Variants in TMIGD1 observed in about 807,000 individuals in gnomAD.
The protein encoded by TMIGD1 is transmembrane and immunoglobulin domain containing 1, also known as transmembrane and immunoglobulin domain-containing protein 1.
Under a neutral mutation model 27.5 loss-of-function variants are expected in TMIGD1, and 29 were observed. The observed-to-expected ratio is 1.05, with a 90% confidence interval of 0.78 to 1.44. The LOEUF (loss-of-function observed/expected upper bound fraction) is 1.44, where lower values mean the gene tolerates loss of function less well. Ranked by LOEUF, TMIGD1 falls within the 40% of genes most tolerant of loss-of-function variation. TMIGD1 has a pLI of 0.00. For missense variants in TMIGD1, 334 were observed against 310.6 expected (o/e 1.08, Z -0.57); for synonymous variants, 109 against 110.3 (o/e 0.99, Z 0.07).
chr17:30,323,965 C>A (rs1260238359), intron 4 of TMIGD1, among the ~76,000 whole-genome samples: 2 of 152,252 alleles, frequency 1.3e-5, no homozygotes, highest in African/African-American at 4.8e-5. Flanking sequence ...CATAACTCTT[C>A]CCCTCAAGGG....
In TMIGD1 at chr17:30,316,483, T is replaced by A. The variant is rs1909417070; in HGVS notation, c.*204A>T. ...ACTTCAAGGAGAAGACTTAACAAAATCTTACTTTTCATTCTTAATAGCTCT... is the reference window on the plus strand; with the variant it reads ...ACTTCAAGGAGAAGACTTAACAAAAACTTACTTTTCATTCTTAATAGCTCT... On this transcript the variant is annotated 3_prime_UTR_variant, in exon 7 of 7. Coordinates refer to ENST00000328886, the MANE Select transcript of TMIGD1 (RefSeq NM_206832.3). 2 of 546,226 alleles carry A rather than the reference T, an allele frequency of 3.7e-6. No individual in the cohort carries two copies. The highest frequency in any genetic ancestry group is 3.6e-5 in the Admixed American group (1 of 27,904). 33.8% of individuals were successfully genotyped at this position (546,226 alleles called of 1,614,324 possible).
intron 1 of TMIGD1, among the ~76,000 whole-genome samples, chr17:30,332,931 G>C (rs1910026847): frequency 6.6e-6 from 1 of 152,016 alleles, no homozygotes; most frequent in African/African-American, 2.4e-5. Context: ...CATCATTTCA[G>C]TCACAATTAA....
intron 5 of TMIGD1, among the ~76,000 whole-genome samples, chr17:30,317,560 A>T (rs570685463): frequency 6.6e-6 from 1 of 152,214 alleles, no homozygotes; most frequent in Non-Finnish European, 1.5e-5. Flanking sequence ...GGATTTCAAG[A>T]CCAGCCTGGC....
chr17:30,324,691 A>G (rs1270284934), intron 4 of TMIGD1, 125 bp downstream of exon 4: 1 of 1,179,602 alleles, frequency 8.5e-7, no homozygotes, highest in East Asian at 2.5e-5. Flanking sequence ...GATGGGGATG[A>G]TTCTCCAAAG....
chr17:30,326,017 A>T (rs1193008591), intron 3 of TMIGD1, among the ~76,000 whole-genome samples: 1 of 152,242 alleles, frequency 6.6e-6, no homozygotes, highest in Non-Finnish European at 1.5e-5. Flanking sequence ...GAGACGGAGA[A>T]GGAGGAAAAA....
intron 1 of TMIGD1, among the ~76,000 whole-genome samples, chr17:30,333,727 G>C (rs1167774873): frequency 6.6e-6 from 1 of 152,020 alleles, no homozygotes; most frequent in Non-Finnish European, 1.5e-5. Flanking sequence ...TTGCCAAAAA[G>C]ATTTCTATCA....
rs571440750 is a variant in TMIGD1 at position 30,321,148 on chromosome 17, A to G, written c.641-2235T>C. On this transcript the variant is annotated intron_variant, in intron 4 of 6. Transcript: ENST00000328886. ...GCTGGGATTATAGGTGTGAGCCACC[A>G]TGCCTGGCCAACCCCTTTTTTTTTT... 2.7e-4 allele frequency among the ~76,000 whole-genome samples: 40 copies of G among 149,068 alleles called. 1 individual carries two copies. In the East Asian group the frequency reaches 7.1e-3, roughly 26 times the overall value.
chr17:30,322,727 G>A (rs756353441), intron 4 of TMIGD1, among the ~76,000 whole-genome samples: 1 of 152,016 alleles, frequency 6.6e-6, no homozygotes, highest in Admixed American at 6.6e-5. Flanking sequence ...GTCTCAAACC[G>A]CTGACCTCCT....
At chr17:30,317,442 C>A (rs1407549878) in intron 5 of TMIGD1, among the ~76,000 whole-genome samples, 2 of 151,850 alleles carry the variant, frequency 1.3e-5, no homozygotes, top group Admixed American at 1.3e-4. Flanking sequence ...GTCTTAGATA[C>A]TTGAGTATTT....
At chr17:30,328,680 G>A (rs1909866329) in intron 3 of TMIGD1, among the ~76,000 whole-genome samples, 2 of 152,138 alleles carry the variant, frequency 1.3e-5, no homozygotes, top group Admixed American at 1.3e-4. Flanking sequence ...AACAGGCTGG[G>A]TGCAGTGGCT....
chr17:30,317,518 G>C (rs1275493446), intron 5 of TMIGD1, among the ~76,000 whole-genome samples: 1 of 152,098 alleles, frequency 6.6e-6, no homozygotes, highest in African/African-American at 2.4e-5. Context: ...CAGAACTTTG[G>C]GAGGCCAAGG....
In TMIGD1 at chr17:30,318,818, T is replaced by C. The variant is rs1460021543; in HGVS notation, c.736A>G (p.Ile246Val). ...CFGLIARRKK[I>V]MKLCMKDKDP... ...TCAGAATACTTAGATACCTTCATTA[T>C]TTTCTTTCTTCTAGCAATCAGTCCA... is the stretch of plus-strand genomic sequence containing the variant. The change falls in exon 5 of 7, where the codon ATA becomes GTA. Residue 246 changes from isoleucine (I) to valine (V), a missense_variant. Physicochemically the swap from Ile to Val is conservative, Grantham distance 29. Transcript: ENST00000328886. 1 of 1,610,728 alleles carries C rather than the reference T, an allele frequency of 6.2e-7. No individual in the cohort carries two copies. Among genetic ancestry groups the C allele is most frequent in the African/African-American group, 1.3e-5 (1 of 74,854 alleles).
At chr17:30,329,028 GA>G (rs71138881) in intron 3 of TMIGD1, among the ~76,000 whole-genome samples, 52,366 of 148,720 alleles carry the variant, frequency 0.35, 9,899 homozygotes, top group Admixed American at 0.42. Flanking sequence ...AAAGAGAAAA[GA>G]AAAAAAAGAA....
intron 4 of TMIGD1, among the ~76,000 whole-genome samples, chr17:30,319,261 A>AAAAAAAAAAAAAAAAAAAAATATATATAT: frequency 8.0e-4 from 55 of 68,916 alleles, no homozygotes; most frequent in South Asian, 1.3e-3. Flanking sequence ...AAAAAAAAAA[A>AAAAAAAAAAAAAAAAAAAAATATATATAT]ATATATATAT....
chr17:30,327,742 A>T (rs1909836944), intron 3 of TMIGD1, among the ~76,000 whole-genome samples: 1 of 146,330 alleles, frequency 6.8e-6, no homozygotes, highest in Non-Finnish European at 1.5e-5. Flanking sequence ...AACACACCTT[A>T]TTTTTTTTTT....
intron 4 of TMIGD1, among the ~76,000 whole-genome samples, chr17:30,324,524 G>A (rs1169608165): frequency 2.6e-5 from 4 of 152,120 alleles, no homozygotes; most frequent in East Asian, 3.9e-4. Flanking sequence ...TGTTGCCCAG[G>A]AGAATTCATG....
chr17:30,332,057 A>G lies in TMIGD1; in HGVS notation c.77T>C (p.Met26Thr), dbSNP rs1404689934. The G allele has an allele frequency of 1.2e-6, 2 of 1,609,084 alleles. No individual in the cohort carries two copies. Among genetic ancestry groups the G allele is most frequent in the South Asian group, 2.2e-5 (2 of 90,174 alleles). Residue 26 changes from methionine to threonine, a missense_variant, in exon 2 of 7, where the codon ATG becomes ACG. Met to Thr is a moderately conservative substitution (Grantham distance 81). Transcript: ENST00000328886. ...CAAAAAGAACTTTAACTTACTTGTC[A>G]TCTCACGTGGCAGAAATAAAATTAC... The part of the protein sequence containing the change: ...LLVILFLPRE[M>T]TSSVLTVNGK...
At chr17:30,317,870 G>A (rs1909469244) in intron 5 of TMIGD1, among the ~76,000 whole-genome samples, 2 of 152,128 alleles carry the variant, frequency 1.3e-5, no homozygotes, top group South Asian at 4.2e-4. Context: ...AGGAGTTCGA[G>A]ACCAGCCTGG....
chr17:30,325,148 C>A, intron 3 of TMIGD1, 54 bp from the exon 4 acceptor site: 2 of 1,538,690 alleles, frequency 1.3e-6, no homozygotes, highest in Admixed American at 2.0e-5. Context: ...AGTTCACTGT[C>A]AGAGTTCAAA....
Sources: gnomAD v4.1 joint callset for allele counts (sites outside exome capture counted in the v4.1 genomes callset) on GRCh38, gnomAD v4.1.1 for gene constraint, MANE v1.5 for transcripts, NCBI Gene and HGNC (gene_info 2026-07-23, HGNC 2026-07-21) for gene names.